Variants in MEF2C observed in about 807,000 individuals in gnomAD.
The protein encoded by MEF2C is myocyte-specific enhancer factor 2C.
Under a neutral mutation model 50.5 loss-of-function variants are expected in MEF2C, and 6 were observed. That is an observed-to-expected ratio of 0.12 (90% CI 0.07 to 0.23). The LOEUF (loss-of-function observed/expected upper bound fraction) is 0.23, where lower values mean the gene tolerates loss of function less well. MEF2C is among the 10% of genes least tolerant of loss of function. The pLI is 1.00. For missense variants in MEF2C, 276 were observed against 605.0 expected, an observed-to-expected ratio of 0.46 and a Z score of 5.70; for synonymous variants, 183 against 228.0, an observed-to-expected ratio of 0.80 and a Z score of 1.78.
At chr5:88,877,532 T>A (rs760251551) in intron 1 of MEF2C, among the ~76,000 whole-genome samples, 2 of 152,008 alleles carry the variant, frequency 1.3e-5, no homozygotes, top group Non-Finnish European at 2.9e-5. Flanking sequence ...TTTACAATGG[T>A]ATTCTTTGTC....
intron 3 of MEF2C, among the ~76,000 whole-genome samples, chr5:88,783,552 C>T (rs1256395005): frequency 1.3e-5 from 2 of 152,120 alleles, no homozygotes; most frequent in Non-Finnish European, 2.9e-5. Context: ...ATTGCTTGAA[C>T]CCGGGAGGTG....
chr5:88,806,131 A>C (rs1417565817), intron 2 of MEF2C, among the ~76,000 whole-genome samples: 2 of 151,646 alleles, frequency 1.3e-5, no homozygotes, highest in Non-Finnish European at 2.9e-5. Context: ...ACTTACTATC[A>C]CTCTTCAGAA....
intron 1 of MEF2C, among the ~76,000 whole-genome samples, chr5:88,860,542 C>T (rs1294463432): frequency 6.6e-6 from 1 of 152,002 alleles, no homozygotes; most frequent in Admixed American, 6.6e-5. Context: ...ACCTTTCAGA[C>T]AGTCTTAGGT....
chr5:88,880,230 G>A (rs886607969), intron 1 of MEF2C, among the ~76,000 whole-genome samples: 1 of 151,756 alleles, frequency 6.6e-6, no homozygotes, highest in African/African-American at 2.4e-5. Flanking sequence ...TAATTTGTGT[G>A]GTATTTTCTC....
At position 88,742,160 on chromosome 5, in the gene MEF2C, G is replaced by C. The variant is rs116419421; in HGVS notation, c.637+6910C>G. Reference sequence around the variant, plus strand: ...GTAAGTAAAAAACTGATTTCCAAAAGAGGGGGTTTTTAACCAAATCCCCCC... The same window carrying C: ...GTAAGTAAAAAACTGATTTCCAAAACAGGGGGTTTTTAACCAAATCCCCCC... On this transcript the variant is annotated intron_variant, in intron 6 of 10. Transcript: ENST00000504921. 2.1e-3 allele frequency: 2,055 copies of C among 985,340 alleles called. 29 individuals are homozygous for C. In the African/African-American group the frequency reaches 0.032, roughly 15 times the overall value. The allele number at this position is 985,340 out of a possible 1,614,324, so 61.0% of individuals were successfully genotyped here. A position where few individuals can be genotyped will look rare whatever the true frequency, so the allele number is the denominator to read the frequency against.
chr5:88,831,680 C>T (rs1228728071), intron 1 of MEF2C, among the ~76,000 whole-genome samples: 1 of 151,994 alleles, frequency 6.6e-6, no homozygotes, highest in East Asian at 1.9e-4. Context: ...ATGTGATGTT[C>T]AAAATGCTAT....
chr5:88,895,854 G>A (rs887468575), intron 1 of MEF2C, among the ~76,000 whole-genome samples: 2 of 152,142 alleles, frequency 1.3e-5, no homozygotes, highest in African/African-American at 2.4e-5. Flanking sequence ...CAGAGGAGCC[G>A]GCCACTACAG....
chr5:88,734,554 G>A, intron 6 of MEF2C: 1 of 786,956 alleles, frequency 1.3e-6, no homozygotes, highest in Non-Finnish European at 1.5e-6. Flanking sequence ...CGGAGGCCTT[G>A]AGAAAAGTTT....
intron 3 of MEF2C, among the ~76,000 whole-genome samples, chr5:88,786,104 G>A (rs1790750455): frequency 6.6e-6 from 1 of 151,760 alleles, no homozygotes; most frequent in Non-Finnish European, 1.5e-5. Flanking sequence ...ATTTGTTAGG[G>A]AAAAATTAAA....
At chr5:88,858,155 A>G (rs1428634506) in intron 1 of MEF2C, among the ~76,000 whole-genome samples, 2 of 152,160 alleles carry the variant, frequency 1.3e-5, no homozygotes. Context: ...AAATCAACTC[A>G]ATGCATACAT....
At chr5:88,778,818 C>A (rs1337077611) in intron 3 of MEF2C, among the ~76,000 whole-genome samples, 1 of 152,218 alleles carries the variant, frequency 6.6e-6, no homozygotes, top group African/African-American at 2.4e-5. Context: ...AAAGGAGAAA[C>A]TGCAGAAGAG....
chr5:88,836,140 CTT>C (rs143629664), intron 1 of MEF2C, among the ~76,000 whole-genome samples: 5 of 152,226 alleles, frequency 3.3e-5, no homozygotes, highest in African/African-American at 7.2e-5. Flanking sequence ...TAAATGAACA[CTT>C]ATCGATTTTC....
chr5:88,859,914 TC>T (rs1462908639), intron 1 of MEF2C, among the ~76,000 whole-genome samples: 1 of 152,266 alleles, frequency 6.6e-6, no homozygotes. Context: ...ACTAATATTT[TC>T]TTTAAACAGC....
At position 88,780,710 on chromosome 5, in the gene MEF2C, T is replaced by C. The variant is rs138587637; in HGVS notation, c.259-19382A>G. The C allele has an allele frequency of 1.1e-3, 988 of 934,408 alleles. 7 individuals are homozygous for C. The African/African-American group carries it at 0.017, about 16-fold the overall frequency. The allele number at this position is 934,408 out of a possible 1,614,324, so 57.9% of individuals were successfully genotyped here. On this transcript the variant is annotated intron_variant, in intron 3 of 10. Transcript: ENST00000504921. ...AACAATATCATCACACTAAGCATTG[T>C]TGACTGACTAATACTTCAATGAAAT...
At chr5:88,824,650 A>G (rs528610384) in intron 1 of MEF2C, among the ~76,000 whole-genome samples, 67 of 152,058 alleles carry the variant, frequency 4.4e-4, no homozygotes, top group Middle Eastern at 3.4e-3. Context: ...AAATGGTGCA[A>G]AATTAAGATT....
At chr5:88,754,296 T>C (rs372771483) in intron 4 of MEF2C, among the ~76,000 whole-genome samples, 35 of 152,350 alleles carry the variant, frequency 2.3e-4, no homozygotes, top group Admixed American at 1.4e-3. Context: ...CCTATACACA[T>C]AGATCTTGCT....
chr5:88,830,269 T>C (rs747096486), intron 1 of MEF2C, among the ~76,000 whole-genome samples: 2 of 152,066 alleles, frequency 1.3e-5, no homozygotes, highest in Admixed American at 6.6e-5. Context: ...TTAATGCTTC[T>C]AGTCCTACTT....
chr5:88,812,799 A>G (rs1199283792), intron 2 of MEF2C, among the ~76,000 whole-genome samples: 1 of 152,108 alleles, frequency 6.6e-6, no homozygotes, highest in African/African-American at 2.4e-5. Flanking sequence ...CTCTTCACAC[A>G]AAGTGCATCT....
intron 6 of MEF2C, chr5:88,733,701 C>T: frequency 1.0e-6 from 1 of 985,214 alleles, no homozygotes; most frequent in Non-Finnish European, 1.2e-6. Flanking sequence ...CATGAATAAA[C>T]AGGCTGAATA....
Sources: allele counts gnomAD v4.1 joint callset (sites outside exome capture counted in the v4.1 genomes callset), GRCh38; gene constraint gnomAD v4.1.1; transcripts MANE v1.5; gene names NCBI Gene and HGNC (gene_info 2026-07-23, HGNC 2026-07-21).